Variants in DIP2C observed in about 807,000 individuals in gnomAD.
DIP2C encodes the protein DIP2 acetate--CoA ligase C (putative).
A neutral mutation model predicts 192.4 loss-of-function variants in DIP2C; 33 were observed. The observed-to-expected ratio is 0.17, with a 90% CI of 0.13 to 0.23. DIP2C has a LOEUF of 0.23. DIP2C is among the 10% of genes least tolerant of loss of function. DIP2C has a pLI of 1.00. For missense variants in DIP2C, 1,537 were observed against 2,110.1 expected (o/e 0.73, Z 5.32); for synonymous variants, 979 against 864.1 (o/e 1.13, Z -2.33).
chr10:687,249 A>T (rs1305643559), intron 1 of DIP2C, among the ~76,000 whole-genome samples: 1 of 152,248 alleles, frequency 6.6e-6, no homozygotes. Flanking sequence ...CTGGAAAACA[A>T]GTTGATTCAT....
At chr10:282,676 C>T (rs1954894830) in intron 35 of DIP2C, among the ~76,000 whole-genome samples, 1 of 152,274 alleles carries the variant, frequency 6.6e-6, no homozygotes, top group Non-Finnish European at 1.5e-5. Context: ...CCTGGCTTCA[C>T]CCTGCTCTCC....
intron 3 of DIP2C, among the ~76,000 whole-genome samples, chr10:469,187 C>T (rs908106489): frequency 6.6e-6 from 1 of 151,906 alleles, no homozygotes; most frequent in Non-Finnish European, 1.5e-5. Flanking sequence ...GGAGACTATC[C>T]TCTGTGCAGG....
chr10:337,345 T>C (rs1160558115), intron 29 of DIP2C, among the ~76,000 whole-genome samples: 8 of 133,024 alleles, frequency 6.0e-5, no homozygotes, highest in African/African-American at 2.3e-4. Context: ...TAGGCAGGTG[T>C]GTGCGCGCGT....
chr10:311,652 A>C, intron 31 of DIP2C: 38 of 1,061,846 alleles, frequency 3.6e-5, no homozygotes, highest in Middle Eastern at 3.5e-4. Flanking sequence ...ACAGACACAT[A>C]CGACCCGACA....
chr10:358,720 CGGGGGTGGGAGGTGGGGGACGGGGGATG>C (rs1959183332), intron 22 of DIP2C, among the ~76,000 whole-genome samples: 3 of 1,464 alleles, frequency 2.0e-3, no homozygotes, highest in African/African-American at 8.8e-3. Context: ...AGGTGGGGGA[CGGGGGTGGGAGGTGGGGGACGGGGGATG>C]GGGGATGGGA....
At chr10:493,995 A>AG (rs1227541394) in intron 1 of DIP2C, among the ~76,000 whole-genome samples, 1 of 152,200 alleles carries the variant, frequency 6.6e-6, no homozygotes, top group Non-Finnish European at 1.5e-5. Flanking sequence ...GCCCTGCTGA[A>AG]GGGGGAGGAG....
intron 33 of DIP2C, 102 bp downstream of exon 33, chr10:288,262 T>C: frequency 8.5e-7 from 1 of 1,175,792 alleles, no homozygotes; most frequent in Non-Finnish European, 1.2e-6. Flanking sequence ...AGAAATTGTT[T>C]TGGAAAAAAC....
At chr10:401,319 C>T (rs1220926285) in intron 9 of DIP2C, among the ~76,000 whole-genome samples, 1 of 151,770 alleles carries the variant, frequency 6.6e-6, no homozygotes, top group Non-Finnish European at 1.5e-5. Context: ...GGTATGTGTT[C>T]ATCAGCACAT....
At chr10:305,072 C>T (rs139818328) in intron 32 of DIP2C, among the ~76,000 whole-genome samples, 75 of 152,274 alleles carry the variant, frequency 4.9e-4, no homozygotes, top group African/African-American at 1.8e-3. Context: ...CACTCATGCA[C>T]ATGCATGTGC....
intron 25 of DIP2C, 26 bp from the exon 26 acceptor site, chr10:348,788 T>C (rs762835187): frequency 1.9e-6 from 3 of 1,611,586 alleles, no homozygotes; most frequent in Admixed American, 3.4e-5. Flanking sequence ...AACATCATCA[T>C]TGAAGCAGAC....
chr10:640,625 C>G (rs569206197), intron 1 of DIP2C, among the ~76,000 whole-genome samples: 2 of 150,124 alleles, frequency 1.3e-5, no homozygotes, highest in South Asian at 2.1e-4. Context: ...GGGGAAGAAG[C>G]TGCGCGCGGG....
chr10:571,982 T>C (rs1355244940), intron 1 of DIP2C, among the ~76,000 whole-genome samples: 1 of 152,252 alleles, frequency 6.6e-6, no homozygotes, highest in Non-Finnish European at 1.5e-5. Flanking sequence ...AATATGTTCT[T>C]GGTTTCATGT....
At chr10:406,870 A>T (rs1166423187) in intron 9 of DIP2C, among the ~76,000 whole-genome samples, 2 of 152,092 alleles carry the variant, frequency 1.3e-5, no homozygotes, top group Non-Finnish European at 2.9e-5. Context: ...CACTGGATGG[A>T]GCAGCTGACA....
intron 1 of DIP2C, among the ~76,000 whole-genome samples, chr10:520,439 CA>C (rs1564814696): frequency 6.6e-6 from 1 of 152,092 alleles, no homozygotes; most frequent in Admixed American, 6.5e-5. Flanking sequence ...TTTCTGCATA[CA>C]AAAAAAATTC....
rs540993384 is a variant in DIP2C, at chr10:651,510, G to A, written c.85+37984C>T. On this transcript the variant is annotated intron_variant, in intron 1 of 36. Coordinates refer to ENST00000280886, the MANE Select transcript of DIP2C (RefSeq NM_014974.3). The surrounding 1 kb of genome is among the most constrained non-coding windows in gnomAD (Gnocchi z 4.1). Reference sequence around the variant, plus strand: ...CAATTATATGAAAATCCGTATCCACGTGAAGGTATTATGCAAAAAAAGCTT... The same window carrying A: ...CAATTATATGAAAATCCGTATCCACATGAAGGTATTATGCAAAAAAAGCTT... 19 of 540,770 alleles carry A rather than the reference G, an allele frequency of 3.5e-5. No homozygotes were observed. The highest frequency in any genetic ancestry group is 2.8e-4 in the Middle Eastern group (1 of 3,552). 33.5% of individuals were successfully genotyped at this position (540,770 alleles called of 1,614,324 possible). A position where few individuals can be genotyped will look rare whatever the true frequency, so the allele number is the denominator to read the frequency against.
chr10:665,445 C>T (rs1340193785), intron 1 of DIP2C: 1 of 152,094 alleles, frequency 6.6e-6, no homozygotes, highest in East Asian at 1.9e-4. Context: ...GTAACGCGAT[C>T]ATCTAGCATG....
intron 1 of DIP2C, among the ~76,000 whole-genome samples, chr10:611,670 A>G (rs1416424378): frequency 6.6e-6 from 1 of 151,896 alleles, no homozygotes; most frequent in East Asian, 1.9e-4. Flanking sequence ...CTTTTTTTCC[A>G]TCTTCCCCAC....
At chr10:577,524 T>C (rs952194790) in intron 1 of DIP2C, among the ~76,000 whole-genome samples, 17 of 152,172 alleles carry the variant, frequency 1.1e-4, no homozygotes, top group Non-Finnish European at 1.9e-4. Flanking sequence ...TATTTAAACC[T>C]TCAAGAGCCA....
At chr10:438,495 A>AT (rs58338949) in intron 4 of DIP2C, among the ~76,000 whole-genome samples, 3,486 of 147,272 alleles carry the variant, frequency 0.024, 95 homozygotes, top group African/African-American at 0.063. Flanking sequence ...AGGATTAAGC[A>AT]TTTTTTTTTT....
Sources: allele counts gnomAD v4.1 joint callset (sites outside exome capture counted in the v4.1 genomes callset), GRCh38; gene constraint gnomAD v4.1.1; non-coding constraint Gnocchi (gnomAD v3.1); transcripts MANE v1.5; gene names NCBI Gene and HGNC (gene_info 2026-07-23, HGNC 2026-07-21).